C8orf34: variants seen among roughly 807,000 people sequenced by gnomAD.
C8orf34 encodes uncharacterized protein C8orf34.
A neutral mutation model predicts 68.3 loss-of-function variants in C8orf34; 65 were observed. The ratio of observed to expected loss-of-function variants is 0.95; its 90% CI spans 0.78 to 1.17. The LOEUF (loss-of-function observed/expected upper bound fraction) is 1.17. Among genes scored for constraint, C8orf34 ranks in the 50% most tolerant of loss-of-function variants. The pLI, the probability that C8orf34 is intolerant of heterozygous loss-of-function variation, is 0.00. For missense variants in C8orf34, 664 were observed against 655.4 expected, an observed-to-expected ratio of 1.01 and a Z score of -0.14; for synonymous variants, 244 against 241.2, an observed-to-expected ratio of 1.01 and a Z score of -0.11.
At chr8:68,564,010 CTTTA>C (rs1415067006) in intron 7 of C8orf34, among the ~76,000 whole-genome samples, 1 of 152,086 alleles carries the variant, frequency 6.6e-6, no homozygotes, top group Non-Finnish European at 1.5e-5. Flanking sequence ...AATATCTGTA[CTTTA>C]TTTAAATTTC....
chr8:68,630,806 A>T (rs1205140454), intron 7 of C8orf34, among the ~76,000 whole-genome samples: 1 of 151,868 alleles, frequency 6.6e-6, no homozygotes, highest in Non-Finnish European at 1.5e-5. Flanking sequence ...TGCAGACAGG[A>T]TCTCACTCTG....
At chr8:68,483,910 C>T (rs1033878252) in intron 4 of C8orf34, among the ~76,000 whole-genome samples, 1 of 152,218 alleles carries the variant, frequency 6.6e-6, no homozygotes, top group Non-Finnish European at 1.5e-5. Context: ...AGGCAGCTCA[C>T]TCCTACAGCT....
chr8:68,375,884 C>CTTTA (rs1807771451), intron 1 of C8orf34, among the ~76,000 whole-genome samples: 1 of 152,080 alleles, frequency 6.6e-6, no homozygotes, highest in Admixed American at 6.6e-5. Context: ...AAAATATAGG[C>CTTTA]TTTAGACTCA....
At chr8:68,614,393 G>C (rs865818021) in intron 7 of C8orf34, among the ~76,000 whole-genome samples, 1 of 152,080 alleles carries the variant, frequency 6.6e-6, no homozygotes, top group African/African-American at 2.4e-5. Flanking sequence ...GTAATGCCTA[G>C]GTTTTCTTCT....
intron 7 of C8orf34, among the ~76,000 whole-genome samples, chr8:68,611,032 T>A (rs1818007787): frequency 6.6e-6 from 1 of 152,076 alleles, no homozygotes; most frequent in Non-Finnish European, 1.5e-5. Context: ...CACGCCCAGC[T>A]AATTTTGTAT....
At chr8:68,633,917 C>T (rs141262246) in intron 7 of C8orf34, among the ~76,000 whole-genome samples, 17 of 150,260 alleles carry the variant, frequency 1.1e-4, no homozygotes, top group African/African-American at 4.2e-4. Context: ...TGGTTTTTGG[C>T]TGAGCCTGAG....
At chr8:68,405,797 A>G (rs564551644) in intron 1 of C8orf34, among the ~76,000 whole-genome samples, 1 of 152,320 alleles carries the variant, frequency 6.6e-6, no homozygotes, top group African/African-American at 2.4e-5. Context: ...GTGAGAAACT[A>G]AAGATGAATA....
intron 1 of C8orf34, among the ~76,000 whole-genome samples, chr8:68,383,394 C>T (rs529616274): frequency 1.3e-5 from 2 of 152,202 alleles, no homozygotes; most frequent in Admixed American, 1.3e-4. Flanking sequence ...AATGTATGAG[C>T]TGTTCCATAG....
At chr8:68,595,609 T>C (rs1817525996) in intron 7 of C8orf34, among the ~76,000 whole-genome samples, 1 of 152,122 alleles carries the variant, frequency 6.6e-6, no homozygotes, top group Non-Finnish European at 1.5e-5. Flanking sequence ...ATAAATCATT[T>C]GAATCTGAGG....
chr8:68,497,441 G>T (rs1429728771), intron 5 of C8orf34, among the ~76,000 whole-genome samples: 1 of 152,148 alleles, frequency 6.6e-6, no homozygotes, highest in Non-Finnish European at 1.5e-5. Flanking sequence ...ACACTATGCA[G>T]GGAAATTTTA....
At chr8:68,697,963 A>C (rs976751470) in intron 8 of C8orf34, among the ~76,000 whole-genome samples, 3 of 152,004 alleles carry the variant, frequency 2.0e-5, no homozygotes, top group African/African-American at 7.2e-5. Flanking sequence ...CTCTACGGGA[A>C]TCTCAGATTT....
At chr8:68,510,983 C>T (rs1008543041) in intron 5 of C8orf34, among the ~76,000 whole-genome samples, 6 of 152,182 alleles carry the variant, frequency 3.9e-5, no homozygotes, top group African/African-American at 1.4e-4. Context: ...TGAGGCCAGT[C>T]TCCCCAGTGG....
intron 7 of C8orf34, chr8:68,533,558 G>A (rs1233499912): frequency 6.1e-6 from 6 of 985,992 alleles, no homozygotes; most frequent in Admixed American, 6.1e-5. Context: ...TTATTTTGAG[G>A]ATGCTTTAGA....
intron 8 of C8orf34, among the ~76,000 whole-genome samples, chr8:68,653,211 A>G (rs1224864831): frequency 6.6e-6 from 1 of 152,214 alleles, no homozygotes; most frequent in African/African-American, 2.4e-5. Flanking sequence ...TGCAAACAAT[A>G]AAACTCCTGA....
At chr8:68,577,336 TATC>T (rs1358750446) in intron 7 of C8orf34, among the ~76,000 whole-genome samples, 2 of 152,032 alleles carry the variant, frequency 1.3e-5, no homozygotes, top group Non-Finnish European at 2.9e-5. Context: ...CATAGACTGT[TATC>T]ATCATAAGGG....
intron 12 of C8orf34, among the ~76,000 whole-genome samples, chr8:68,801,749 C>G (rs767906107): frequency 6.6e-6 from 1 of 152,010 alleles, no homozygotes; most frequent in Non-Finnish European, 1.5e-5. Flanking sequence ...CAGAATCTAT[C>G]TAATGGAAAG....
intron 7 of C8orf34, among the ~76,000 whole-genome samples, chr8:68,563,408 A>G (rs1400774907): frequency 3.3e-5 from 5 of 152,194 alleles, no homozygotes; most frequent in African/African-American, 1.2e-4. Context: ...TAAAGCATTA[A>G]CAGAAAGCTA....
rs529361506 is a variant in C8orf34, at chr8:68,464,247, G to A, written c.608-4445G>A. Among the ~76,000 whole-genome samples, 513 of 152,268 alleles carry A rather than the reference G, an allele frequency of 3.4e-3. 2 individuals are homozygous for A. Among genetic ancestry groups the A allele is most frequent in the Non-Finnish European group, 4.9e-3 (334 of 68,024 alleles). On this transcript the variant is annotated intron_variant, in intron 3 of 13. Coordinates refer to ENST00000518698, the MANE Select transcript of C8orf34 (RefSeq NM_052958.4). ...CCTAGGAATCCAACTTACAAGGGAT[G>A]TGAAGGACCTCTTCAAGGAGAACTA... is the stretch of plus-strand genomic sequence containing the variant.
At chr8:68,571,695 A>G (rs1816763427) in intron 7 of C8orf34, among the ~76,000 whole-genome samples, 1 of 152,220 alleles carries the variant, frequency 6.6e-6, no homozygotes, top group Non-Finnish European at 1.5e-5. Context: ...GAAGAAGCAT[A>G]GAGAAATTGC....
Sources: allele counts gnomAD v4.1 joint callset (sites outside exome capture counted in the v4.1 genomes callset), GRCh38; gene constraint gnomAD v4.1.1; transcripts MANE v1.5; gene names NCBI Gene and HGNC (gene_info 2026-07-23, HGNC 2026-07-21).